TNR: variants seen among roughly 807,000 people sequenced by gnomAD.
The protein encoded by TNR is tenascin R.
A neutral mutation model predicts 150.4 loss-of-function variants in TNR; 45 were observed. The ratio of observed to expected loss-of-function variants is 0.30; its 90% CI spans 0.24 to 0.38. The LOEUF (loss-of-function observed/expected upper bound fraction) is 0.38. TNR is among the 10% of genes least tolerant of loss of function. TNR has a pLI of 1.00. For synonymous variants in TNR, 687 were observed against 678.4 expected, an observed-to-expected ratio of 1.01 and a Z score of -0.20; for missense variants, 1,544 against 1,759.1, an observed-to-expected ratio of 0.88 and a Z score of 2.19.
chr1:175,459,237 G>A (rs1006912121), intron 2 of TNR, among the ~76,000 whole-genome samples: 3 of 149,276 alleles, frequency 2.0e-5, no homozygotes, highest in South Asian at 2.1e-4. Flanking sequence ...TTATCACAAC[G>A]ACCACCACCA....
At chr1:175,435,942 C>G (rs569513126) in intron 2 of TNR, among the ~76,000 whole-genome samples, 4 of 152,302 alleles carry the variant, frequency 2.6e-5, no homozygotes, top group Admixed American at 6.5e-5. Context: ...AAATTCTTTT[C>G]TTTAAGAATG....
chr1:175,742,593 G>T (rs2101964231), intron 1 of TNR, among the ~76,000 whole-genome samples: 1 of 152,200 alleles, frequency 6.6e-6, no homozygotes, highest in South Asian at 2.1e-4. Flanking sequence ...AGCCGCCCCA[G>T]CCTGAGCTTC....
At position 175,466,036 on chromosome 1, in the gene TNR, G is replaced by A. The variant is rs143363295; in HGVS notation, c.-63-59259C>T. Among the ~76,000 whole-genome samples the A allele has an allele frequency of 2.9e-3, 442 of 152,278 alleles. 2 individuals carry two copies. The highest frequency in any genetic ancestry group is 6.9e-3 in the African/African-American group (286 of 41,558). ...TCTGGTCTCTTGAACTTGCTGTGTGGAATTGGTCTTTCCTGTGGTGCACTA... is the reference window on the plus strand; with the variant it reads ...TCTGGTCTCTTGAACTTGCTGTGTGAAATTGGTCTTTCCTGTGGTGCACTA... On this transcript the variant is annotated intron_variant, in intron 2 of 22. Transcript: ENST00000367674.
intron 1 of TNR, among the ~76,000 whole-genome samples, chr1:175,533,815 T>C (rs1660164771): frequency 6.6e-6 from 1 of 152,154 alleles, no homozygotes; most frequent in African/African-American, 2.4e-5. Context: ...AGTGGTGCCT[T>C]GCATGCAGGA....
intron 1 of TNR, among the ~76,000 whole-genome samples, chr1:175,691,402 T>C (rs1402946220): frequency 6.6e-6 from 1 of 152,188 alleles, no homozygotes. Context: ...TTTCCTGTGT[T>C]TTAACTAACT....
chr1:175,720,339 G>A lies in TNR; in HGVS notation c.-165+22887C>T, dbSNP rs569821653. Among the ~76,000 whole-genome samples the A allele has an allele frequency of 4.6e-5, 7 of 152,268 alleles. No individual in the cohort carries two copies. In the South Asian group the frequency reaches 1.2e-3, roughly 27 times the overall value. ...AAGCCAGAAAATGAGCCCTCACCAG[G>A]AATCTCATTAGCCAGAATCTTAATC... On this transcript the variant is annotated intron_variant, in intron 1 of 22. Transcript: ENST00000367674.
At chr1:175,541,231 A>T (rs1305288338) in intron 1 of TNR, among the ~76,000 whole-genome samples, 3 of 152,160 alleles carry the variant, frequency 2.0e-5, no homozygotes, top group Non-Finnish European at 4.4e-5. Context: ...TGCAGTTGCC[A>T]TGTATAAATC....
chr1:175,521,609 C>T (rs1232953977), intron 2 of TNR, among the ~76,000 whole-genome samples: 1 of 152,180 alleles, frequency 6.6e-6, no homozygotes, highest in South Asian at 2.1e-4. Context: ...CCTCAGAAAC[C>T]TTTTCTGTTT....
At chr1:175,376,894 A>G (rs1652418668) in intron 9 of TNR, among the ~76,000 whole-genome samples, 1 of 149,458 alleles carries the variant, frequency 6.7e-6, no homozygotes. Flanking sequence ...ATATATTTGA[A>G]ATGTTTTAAA....
At chr1:175,678,010 G>T (rs555948167) in intron 1 of TNR, among the ~76,000 whole-genome samples, 2 of 151,852 alleles carry the variant, frequency 1.3e-5, no homozygotes, top group East Asian at 3.9e-4. Flanking sequence ...TGTTCATTCT[G>T]TTCTAGACAA....
intron 2 of TNR, among the ~76,000 whole-genome samples, chr1:175,519,399 T>C (rs1024347381): frequency 6.6e-6 from 1 of 152,214 alleles, no homozygotes; most frequent in African/African-American, 2.4e-5. Context: ...ACTTAGCATC[T>C]GGACAAAGTT....
chr1:175,563,550 T>A (rs538558656), intron 1 of TNR, among the ~76,000 whole-genome samples: 1 of 152,184 alleles, frequency 6.6e-6, no homozygotes, highest in Non-Finnish European at 1.5e-5. Context: ...CTCCTCAATG[T>A]CCACTTTGAC....
rs1229604639 is a variant in TNR at position 175,594,760 on chromosome 1, TG to T, written c.-164-66392del. 3.6e-5 allele frequency among the ~76,000 whole-genome samples: 5 copies of T among 140,046 alleles called. No individual in the cohort carries two copies. The East Asian group carries it at 1.1e-3, about 30-fold the overall frequency. 91.9% of individuals were successfully genotyped at this position (140,046 alleles called of 152,430 possible). A position where few individuals can be genotyped will look rare whatever the true frequency, so the allele number is the denominator to read the frequency against. ...GTCCCAGCTACTCAGGAGGCTGAGGTGGGAGGATCACTTGAGCCCAGAAGGC... is the reference window on the plus strand; with the variant it reads ...GTCCCAGCTACTCAGGAGGCTGAGGTGGAGGATCACTTGAGCCCAGAAGGC... On this transcript the variant is annotated intron_variant, in intron 1 of 22. Transcript: ENST00000367674.
chr1:175,436,346 C>CT (rs1352128059), intron 2 of TNR, among the ~76,000 whole-genome samples: 2 of 152,082 alleles, frequency 1.3e-5, no homozygotes, highest in African/African-American at 2.4e-5. Context: ...TCTCTTTATT[C>CT]TTTTTTCTCT....
intron 2 of TNR, among the ~76,000 whole-genome samples, chr1:175,459,985 G>A (rs1424879943): frequency 6.6e-6 from 1 of 152,192 alleles, no homozygotes; most frequent in East Asian, 1.9e-4. Flanking sequence ...GATTCAGCAT[G>A]TGTGGGTGAG....
At chr1:175,474,433 G>T (rs1006384880) in intron 2 of TNR, among the ~76,000 whole-genome samples, 1 of 152,172 alleles carries the variant, frequency 6.6e-6, no homozygotes, top group Non-Finnish European at 1.5e-5. Flanking sequence ...GCCTCAGAGA[G>T]GGCTAACCCT....
intron 2 of TNR, among the ~76,000 whole-genome samples, chr1:175,452,220 C>A (rs1394752078): frequency 6.6e-6 from 1 of 152,236 alleles, no homozygotes; most frequent in African/African-American, 2.4e-5. Context: ...CTTAAGGAAT[C>A]CCACAAGCAT....
At chr1:175,405,135 C>T (rs1295301771) in intron 3 of TNR, among the ~76,000 whole-genome samples, 1 of 152,172 alleles carries the variant, frequency 6.6e-6, no homozygotes, top group Non-Finnish European at 1.5e-5. Flanking sequence ...CTCTTGTCAT[C>T]AAAGAACTGA....
intron 1 of TNR, among the ~76,000 whole-genome samples, chr1:175,717,776 G>C (rs1386636603): frequency 2.6e-5 from 4 of 152,114 alleles, no homozygotes; most frequent in African/African-American, 9.7e-5. Context: ...CTTTTGTCAG[G>C]TATCAAAACC....
Sources: allele counts gnomAD v4.1 joint callset (sites outside exome capture counted in the v4.1 genomes callset), GRCh38; gene constraint gnomAD v4.1.1; transcripts MANE v1.5; gene names NCBI Gene and HGNC (gene_info 2026-07-23, HGNC 2026-07-21).